Variants in TLN2 observed in about 807,000 individuals in gnomAD.
TLN2 encodes the protein talin 2.
TLN2 carries 118 observed loss-of-function variants against 294.7 expected under a neutral mutation model. The observed-to-expected ratio is 0.40, with a 90% CI of 0.34 to 0.47. The LOEUF is 0.47. Among genes scored for constraint, TLN2 ranks in the 20% least tolerant of loss-of-function variants. The pLI is 0.84. For missense variants in TLN2, 3,083 were observed against 3,282.2 expected, an observed-to-expected ratio of 0.94 and a Z score of 1.48; for synonymous variants, 1,431 against 1,304.5, an observed-to-expected ratio of 1.10 and a Z score of -2.09.
chr15:62,631,190 C>G (rs1168800956), intron 3 of TLN2, among the ~76,000 whole-genome samples: 4 of 152,080 alleles, frequency 2.6e-5, no homozygotes, highest in Non-Finnish European at 5.9e-5. Flanking sequence ...CTCTCTCTCT[C>G]CTTTCTGCCT....
chr15:62,487,320 TGATTCTGA>T (rs777852965), intron 1 of TLN2, among the ~76,000 whole-genome samples: 1 of 152,202 alleles, frequency 6.6e-6, no homozygotes, highest in African/African-American at 2.4e-5. Flanking sequence ...CTTGTAGACG[TGATTCTGA>T]GAACTCAGGA....
At chr15:62,516,064 A>C (rs2040177202) in intron 1 of TLN2, among the ~76,000 whole-genome samples, 1 of 152,188 alleles carries the variant, frequency 6.6e-6, no homozygotes, top group Non-Finnish European at 1.5e-5. Context: ...GTGTGACTCT[A>C]CTTTGTGGAT....
intron 1 of TLN2, among the ~76,000 whole-genome samples, chr15:62,511,425 A>C (rs2039929104): frequency 6.6e-6 from 1 of 152,122 alleles, no homozygotes; most frequent in Non-Finnish European, 1.5e-5. Flanking sequence ...TTTTTTCTCA[A>C]AAATACTTGG....
intron 28 of TLN2, among the ~76,000 whole-genome samples, chr15:62,731,088 T>G (rs1042924188): frequency 2.6e-5 from 4 of 152,198 alleles, no homozygotes; most frequent in African/African-American, 9.6e-5. Flanking sequence ...ACCCCTTCAG[T>G]TGAGATTTTA....
chr15:62,790,267 G>C (rs1004907028), intron 45 of TLN2, among the ~76,000 whole-genome samples: 3 of 152,308 alleles, frequency 2.0e-5, no homozygotes, highest in Middle Eastern at 3.4e-3. Context: ...CATAAAGGAA[G>C]AGTATACTAA....
intron 29 of TLN2, among the ~76,000 whole-genome samples, chr15:62,737,919 CTA>C (rs1284214300): frequency 6.6e-6 from 1 of 152,148 alleles, no homozygotes; most frequent in African/African-American, 2.4e-5. Flanking sequence ...CTGGAGAGTT[CTA>C]TGTTTGAATC....
chr15:62,722,276 G>A (rs2060194274), intron 25 of TLN2, 77 bp from the exon 26 acceptor site: 1 of 1,473,876 alleles, frequency 6.8e-7, no homozygotes, highest in South Asian at 1.4e-5. Flanking sequence ...CTGCTGTGGA[G>A]ACCTCGCTGC....
chr15:62,835,611 C>A, intron 55 of TLN2, 126 bp from the exon 56 acceptor site: 1 of 983,636 alleles, frequency 1.0e-6, no homozygotes, highest in Non-Finnish European at 1.6e-6. Flanking sequence ...ATTCTCAGGC[C>A]TGTGCTGTTG....
In TLN2 at chr15:62,675,158, C is replaced by T. The variant is rs986643497; in HGVS notation, c.853-59C>T. On this transcript the variant is annotated intron_variant, in intron 10 of 58. Coordinates refer to ENST00000636159, the MANE Select transcript of TLN2 (RefSeq NM_015059.3). ...CACCACATACAGTAACTACCTCTCT[C>T]CAAGTCCACCTGCTGGCAGAGATGC... 71 of 1,532,610 alleles carry T rather than the reference C, an allele frequency of 4.6e-5. No homozygotes were observed. The African/African-American group carries it at 8.9e-4, about 19-fold the overall frequency. 94.9% of individuals were successfully genotyped at this position (1,532,610 alleles called of 1,614,324 possible).
At chr15:62,478,600 T>A (rs1451567323) in intron 1 of TLN2, among the ~76,000 whole-genome samples, 2 of 152,092 alleles carry the variant, frequency 1.3e-5, no homozygotes, top group Non-Finnish European at 2.9e-5. Context: ...CTCGATTGTT[T>A]CTGGTAGTCT....
chr15:62,761,829 G>A lies in TLN2; in HGVS notation c.4779+8G>A. ...GCCCAGATCAGCTCCGAGGTAGGGA[G>A]TGTTTACAGGAACATCATACTAAGG... On this transcript the variant is annotated splice_region_variant and intron_variant, in intron 38 of 58. Transcript: ENST00000636159. 6.2e-7 allele frequency: 1 copy of A among 1,613,976 alleles called. No individual in the cohort carries two copies. Among genetic ancestry groups the A allele is most frequent in the Non-Finnish European group, 8.5e-7 (1 of 1,179,906 alleles).
At chr15:62,607,582 C>T (rs574076708) in intron 2 of TLN2, among the ~76,000 whole-genome samples, 7 of 152,264 alleles carry the variant, frequency 4.6e-5, no homozygotes, top group Non-Finnish European at 8.8e-5. Context: ...ATAAACGAAA[C>T]GTCCAAAAGG....
At chr15:62,417,343 G>C (rs8031790) in intron 1 of TLN2, among the ~76,000 whole-genome samples, 1 of 151,998 alleles carries the variant, frequency 6.6e-6, no homozygotes, top group South Asian at 2.1e-4. Context: ...CATCAGCTTC[G>C]TTTCTGGGCT....
Position 62,647,351 on chromosome 15 carries a change from A to C in TLN2, c.41A>C (p.Asn14Thr). The C allele has an allele frequency of 6.2e-7, 1 of 1,614,218 alleles. No homozygotes were observed. Among genetic ancestry groups the C allele is most frequent in the African/African-American group, 1.3e-5 (1 of 75,052 alleles). Residue 14 changes from asparagine (N) to threonine (T), a missense_variant, in exon 4 of 59, where the codon AAC becomes ACC. By Grantham distance (65) the Asn-to-Thr change is moderately conservative. Transcript: ENST00000636159. ...TTAAAGATTTGTGTGCGCCACTGCA[A>C]CGTGGTGAAGACCATGCAGTTTGAA... ...LSLKICVRHC[N>T]VVKTMQFEPS...
intron 5 of TLN2, among the ~76,000 whole-genome samples, chr15:62,651,789 G>C (rs570322132): frequency 2.0e-5 from 3 of 152,260 alleles, no homozygotes; most frequent in African/African-American, 4.8e-5. Flanking sequence ...TCACTGAATG[G>C]AATTTTTTTG....
intron 1 of TLN2, among the ~76,000 whole-genome samples, chr15:62,543,696 A>C (rs1198289201): frequency 2.0e-5 from 3 of 150,740 alleles, no homozygotes; most frequent in Non-Finnish European, 2.9e-5. Context: ...CGGAGGTTGC[A>C]GTGAGCCAAG....
intron 1 of TLN2, among the ~76,000 whole-genome samples, chr15:62,559,593 A>C (rs78406998): frequency 6.6e-6 from 1 of 152,170 alleles, no homozygotes; most frequent in African/African-American, 2.4e-5. Flanking sequence ...GGTCTTCCAC[A>C]CTAGCTCTGA....
chr15:62,727,332 C>T (rs945669693), intron 28 of TLN2, 143 bp downstream of exon 28: 4 of 716,932 alleles, frequency 5.6e-6, no homozygotes, highest in Non-Finnish European at 6.8e-6. Context: ...GCACCATGTG[C>T]TTGTTACCGG....
At chr15:62,455,851 C>T (rs967226644) in intron 1 of TLN2, among the ~76,000 whole-genome samples, 1 of 152,182 alleles carries the variant, frequency 6.6e-6, no homozygotes, top group African/African-American at 2.4e-5. Flanking sequence ...CGAGCCAGTA[C>T]CCCTTCTCTA....
Sources: allele counts gnomAD v4.1 joint callset (sites outside exome capture counted in the v4.1 genomes callset), GRCh38; gene constraint gnomAD v4.1.1; transcripts MANE v1.5; gene names NCBI Gene and HGNC (gene_info 2026-07-23, HGNC 2026-07-21).